Variants in PDSS2 observed in about 807,000 individuals in gnomAD.
PDSS2 encodes the protein all trans-polyprenyl-diphosphate synthase PDSS2.
Under a neutral mutation model 44.5 loss-of-function variants are expected in PDSS2, and 31 were observed. That is an observed-to-expected ratio of 0.70 (90% CI 0.52 to 0.94). The LOEUF (loss-of-function observed/expected upper bound fraction) is 0.94, where lower values mean the gene tolerates loss of function less well. PDSS2 is among the 40% of genes least tolerant of loss of function. The probability of loss-of-function intolerance (pLI) is 0.00; values close to 1 mark genes in which losing one functional copy is unlikely to be tolerated. For missense variants in PDSS2, 452 were observed against 482.2 expected, an observed-to-expected ratio of 0.94 and a Z score of 0.59; for synonymous variants, 157 against 180.3, an observed-to-expected ratio of 0.87 and a Z score of 1.03.
intron 1 of PDSS2, among the ~76,000 whole-genome samples, chr6:107,337,039 CCACACA>C (rs71861456): frequency 0.044 from 6,255 of 141,518 alleles, 201 homozygotes; most frequent in Admixed American, 0.056. Context: ...CTTTCACATA[CCACACA>C]CACACACACA....
At chr6:107,328,115 T>C (rs1344979038) in intron 2 of PDSS2, among the ~76,000 whole-genome samples, 2 of 152,192 alleles carry the variant, frequency 1.3e-5, no homozygotes, top group Admixed American at 1.3e-4. Context: ...GTGGGAAATC[T>C]AATAAAGACC....
At chr6:107,212,637 A>C (rs1255300342) in intron 4 of PDSS2, among the ~76,000 whole-genome samples, 1 of 152,184 alleles carries the variant, frequency 6.6e-6, no homozygotes, top group Non-Finnish European at 1.5e-5. Context: ...TAAGCACAAG[A>C]AGCCTATTGC....
At chr6:107,429,426 T>C (rs1416772946) in intron 1 of PDSS2, among the ~76,000 whole-genome samples, 2 of 152,162 alleles carry the variant, frequency 1.3e-5, no homozygotes, top group East Asian at 1.9e-4. Flanking sequence ...CAAGGTTTGG[T>C]AGACATACAA....
At position 107,154,074 on chromosome 6, in the gene PDSS2, T is replaced by TAA. The variant is rs35619837; in HGVS notation, c.*543_*544dup. 18 of 152,874 alleles carry TAA rather than the reference T, an allele frequency of 1.2e-4. No individual in the cohort carries two copies. Among genetic ancestry groups the TAA allele is most frequent in the South Asian group, 4.0e-4 (2 of 5,004 alleles). 9.5% of individuals were successfully genotyped at this position (152,874 alleles called of 1,614,324 possible). ...TGGGCAACAAGAGCAAAACTACATCTAAAAAAAAAATAATAATAATCCAGA... is the reference window on the plus strand; with the variant it reads ...TGGGCAACAAGAGCAAAACTACATCTAAAAAAAAAAAATAATAATAATCCAGA... On this transcript the variant is annotated 3_prime_UTR_variant, in exon 8 of 8. Coordinates refer to ENST00000369037, the MANE Select transcript of PDSS2 (RefSeq NM_020381.4).
chr6:107,304,687 T>G (rs1562449139), intron 2 of PDSS2, among the ~76,000 whole-genome samples: 2 of 152,232 alleles, frequency 1.3e-5, no homozygotes, highest in Non-Finnish European at 2.9e-5. Context: ...CAATAGTAAG[T>G]GCTTACTAAA....
At chr6:107,227,807 A>T (rs1773885348) in intron 4 of PDSS2, among the ~76,000 whole-genome samples, 1 of 152,198 alleles carries the variant, frequency 6.6e-6, no homozygotes, top group South Asian at 2.1e-4. Flanking sequence ...ATGGCTTCGA[A>T]GGGAAAGATC....
At chr6:107,383,701 G>A (rs1318499413) in intron 1 of PDSS2, among the ~76,000 whole-genome samples, 1 of 152,114 alleles carries the variant, frequency 6.6e-6, no homozygotes, top group East Asian at 1.9e-4. Context: ...AATGTCATAA[G>A]CCATTAAAGA....
chr6:107,207,117 C>A (rs959025994), intron 6 of PDSS2, among the ~76,000 whole-genome samples: 3 of 151,744 alleles, frequency 2.0e-5, no homozygotes, highest in African/African-American at 7.3e-5. Flanking sequence ...CTTAGCCTCC[C>A]GAGTAGCTGG....
rs1448836827 is a variant in PDSS2, at chr6:107,153,074, C to T, written c.*1545G>A. 3.3e-5 allele frequency: 5 copies of T among 152,534 alleles called. No individual in the cohort carries two copies. The Admixed American group carries it at 3.3e-4, about 10-fold the overall frequency. 9.4% of individuals were successfully genotyped at this position (152,534 alleles called of 1,614,324 possible). On this transcript the variant is annotated 3_prime_UTR_variant, in exon 8 of 8. Transcript: ENST00000369037. The stretch of plus-strand genomic sequence containing the variant: ...CTTTACATTTTCTCTTCATTGCATG[C>T]CACATGTTGGGCCCTGATAAAATGG...
chr6:107,208,285 C>CTTT (rs1164014672), intron 6 of PDSS2, among the ~76,000 whole-genome samples: 1,334 of 53,286 alleles, frequency 0.025, 171 homozygotes, highest in South Asian at 0.052. Context: ...CATGCCTGGC[C>CTTT]TTTTTTTTTT....
chr6:107,215,437 A>G (rs1407181326), intron 4 of PDSS2, among the ~76,000 whole-genome samples: 1 of 152,202 alleles, frequency 6.6e-6, no homozygotes, highest in African/African-American at 2.4e-5. Flanking sequence ...CTTTAATGTG[A>G]TAGGGGTGTG....
intron 1 of PDSS2, among the ~76,000 whole-genome samples, chr6:107,443,835 C>T (rs962813314): frequency 6.6e-6 from 1 of 152,076 alleles, no homozygotes; most frequent in African/African-American, 2.4e-5. Flanking sequence ...CTTTTTCTCC[C>T]TCTATGTTTC....
At chr6:107,330,430 T>C (rs533212503) in intron 2 of PDSS2, among the ~76,000 whole-genome samples, 5 of 152,286 alleles carry the variant, frequency 3.3e-5, no homozygotes, top group African/African-American at 9.6e-5. Context: ...GAAATGAAAG[T>C]AGAGTGCAAA....
At chr6:107,327,637 T>G (rs997515169) in intron 2 of PDSS2, among the ~76,000 whole-genome samples, 18 of 152,162 alleles carry the variant, frequency 1.2e-4, no homozygotes, top group African/African-American at 4.3e-4. Flanking sequence ...TTTTGTATTT[T>G]TAGTAGAGAC....
At chr6:107,426,338 G>A (rs1002796327) in intron 1 of PDSS2, among the ~76,000 whole-genome samples, 17 of 152,226 alleles carry the variant, frequency 1.1e-4, no homozygotes, top group Non-Finnish European at 2.4e-4. Context: ...AAGAACCGGG[G>A]TTTGGGAACG....
chr6:107,416,093 T>C (rs1419759878), intron 1 of PDSS2, among the ~76,000 whole-genome samples: 3 of 152,226 alleles, frequency 2.0e-5, no homozygotes, highest in Non-Finnish European at 4.4e-5. Context: ...GGGAACAAAT[T>C]ATGTATTAGT....
chr6:107,183,637 C>T lies in PDSS2; in HGVS notation c.1041+10185G>A, dbSNP rs370742900. ...CACTTGAGCTGGGTGCAGTGGCTCA[C>T]GCCTGTAATCTCAGCACTTTGGGAG... is the stretch of plus-strand genomic sequence containing the variant. On this transcript the variant is annotated intron_variant, in intron 7 of 7. Coordinates refer to ENST00000369037, the MANE Select transcript of PDSS2 (RefSeq NM_020381.4). Among the ~76,000 whole-genome samples, 12 of 152,184 alleles carry T rather than the reference C, an allele frequency of 7.9e-5. No homozygotes were observed. In the East Asian group the frequency reaches 1.5e-3, roughly 20 times the overall value.
chr6:107,195,170 A>C (rs1320802865), intron 6 of PDSS2, among the ~76,000 whole-genome samples: 1 of 151,264 alleles, frequency 6.6e-6, no homozygotes, highest in East Asian at 1.9e-4. Context: ...TCCGTGAGAG[A>C]AAAAAAAAGT....
intron 2 of PDSS2, among the ~76,000 whole-genome samples, chr6:107,304,214 AC>A (rs1776785624): frequency 1.3e-5 from 2 of 152,136 alleles, no homozygotes; most frequent in Non-Finnish European, 2.9e-5. Flanking sequence ...TGGTTGAGTG[AC>A]CCAGAGCTGA....
Sources: gnomAD v4.1 joint callset for allele counts (sites outside exome capture counted in the v4.1 genomes callset) on GRCh38, gnomAD v4.1.1 for gene constraint, MANE v1.5 for transcripts, NCBI Gene and HGNC (gene_info 2026-07-23, HGNC 2026-07-21) for gene names.